Variants in SKAP2 observed in about 807,000 individuals in gnomAD.
SKAP2 encodes src kinase-associated phosphoprotein 2.
Under a neutral mutation model 54.9 loss-of-function variants are expected in SKAP2, and 28 were observed. That is an observed-to-expected ratio of 0.51 (90% CI 0.38 to 0.70). The LOEUF is 0.70. Ranked by LOEUF, SKAP2 falls within the 30% of genes least tolerant of loss-of-function variation. The probability of loss-of-function intolerance (pLI) is 0.00; values close to 1 mark genes in which losing one functional copy is unlikely to be tolerated. For synonymous variants in SKAP2, 137 were observed against 134.3 expected (o/e 1.02, Z -0.14); for missense variants, 356 against 424.1 (o/e 0.84, Z 1.41).
intron 4 of SKAP2, among the ~76,000 whole-genome samples, chr7:26,805,230 C>T (rs1403718877): frequency 2.0e-5 from 3 of 152,136 alleles, no homozygotes; most frequent in Non-Finnish European, 4.4e-5. Flanking sequence ...AAACAATCAA[C>T]AGACTATGAT....
At chr7:26,756,907 G>A (rs938386500) in intron 4 of SKAP2, among the ~76,000 whole-genome samples, 2 of 152,266 alleles carry the variant, frequency 1.3e-5, no homozygotes, top group African/African-American at 2.4e-5. Context: ...TTGTGGTTTC[G>A]ATTTGCATTT....
At chr7:26,759,307 C>T (rs1276664732) in intron 4 of SKAP2, among the ~76,000 whole-genome samples, 4 of 152,146 alleles carry the variant, frequency 2.6e-5, no homozygotes, top group African/African-American at 9.7e-5. Flanking sequence ...CTTCACATAG[C>T]GCACTACACA....
intron 11 of SKAP2, among the ~76,000 whole-genome samples, chr7:26,671,017 A>G (rs1216312741): frequency 6.6e-6 from 1 of 151,852 alleles, no homozygotes; most frequent in African/African-American, 2.4e-5. Context: ...GCAACTTGAG[A>G]TAAACAAACC....
chr7:26,709,935 C>T (rs148498848), intron 9 of SKAP2, among the ~76,000 whole-genome samples: 255 of 152,222 alleles, frequency 1.7e-3, no homozygotes, highest in African/African-American at 5.9e-3. Context: ...TTATTTGAGA[C>T]TCTGCCCATT....
intron 4 of SKAP2, among the ~76,000 whole-genome samples, chr7:26,815,077 A>G (rs1424377822): frequency 6.7e-6 from 1 of 149,238 alleles, no homozygotes; most frequent in African/African-American, 2.4e-5. Context: ...CCTATCTACA[A>G]AATAAAACAC....
chr7:26,854,501 G>C (rs1785118660), intron 2 of SKAP2, among the ~76,000 whole-genome samples: 1 of 151,868 alleles, frequency 6.6e-6, no homozygotes, highest in Non-Finnish European at 1.5e-5. Flanking sequence ...ATCCACCTTT[G>C]TCTTATCATT....
chr7:26,798,601 CAGAAAAACA>C (rs1783836054), intron 4 of SKAP2, among the ~76,000 whole-genome samples: 1 of 151,006 alleles, frequency 6.6e-6, no homozygotes, highest in Non-Finnish European at 1.5e-5. Context: ...AGTAAGTACA[CAGAAAAACA>C]CAGAATAGTA....
chr7:26,778,984 A>T (rs983992842), intron 4 of SKAP2, among the ~76,000 whole-genome samples: 18 of 152,024 alleles, frequency 1.2e-4, no homozygotes, highest in African/African-American at 3.9e-4. Context: ...TTAAGTCTAG[A>T]ATTTCAAAGG....
At chr7:26,819,323 A>C (rs148536689) in intron 4 of SKAP2, among the ~76,000 whole-genome samples, 4,030 of 152,292 alleles carry the variant, frequency 0.026, 172 homozygotes, top group African/African-American at 0.092. Context: ...AGGAACAGAA[A>C]ACCAAACACC....
intron 4 of SKAP2, among the ~76,000 whole-genome samples, chr7:26,791,340 A>T (rs1384894004): frequency 6.6e-6 from 1 of 151,586 alleles, no homozygotes; most frequent in Non-Finnish European, 1.5e-5. Context: ...CTGCTGGCTA[A>T]TTTTTTCTAT....
chr7:26,863,567 T>A (rs577781115), intron 1 of SKAP2, among the ~76,000 whole-genome samples: 12 of 152,316 alleles, frequency 7.9e-5, no homozygotes, highest in African/African-American at 2.4e-4. Flanking sequence ...CCGTATCCAG[T>A]AAATTAATGA....
chr7:26,820,809 T>A (rs1784370983), intron 4 of SKAP2, among the ~76,000 whole-genome samples: 1 of 152,192 alleles, frequency 6.6e-6, no homozygotes, highest in Non-Finnish European at 1.5e-5. Context: ...CAAACATGGA[T>A]AAAAATTCCA....
At chr7:26,809,906 G>A (rs1245823914) in intron 4 of SKAP2, among the ~76,000 whole-genome samples, 1 of 152,124 alleles carries the variant, frequency 6.6e-6, no homozygotes, top group Non-Finnish European at 1.5e-5. Context: ...TGTATAAAAT[G>A]GAATACCATT....
intron 4 of SKAP2, among the ~76,000 whole-genome samples, chr7:26,797,761 A>C (rs1783813625): frequency 6.6e-6 from 1 of 152,088 alleles, no homozygotes; most frequent in South Asian, 2.1e-4. Flanking sequence ...TGTTGAAAAC[A>C]CTCAAAGAAA....
Position 26,668,368 on chromosome 7 carries a change from T to C in SKAP2, c.*1298A>G, listed in dbSNP as rs1183347258. 6.6e-6 allele frequency: 1 copy of C among 152,230 alleles called. No individual in the cohort carries two copies. Among genetic ancestry groups the C allele is most frequent in the Non-Finnish European group, 1.5e-5 (1 of 68,034 alleles). The allele number at this position is 152,230 out of a possible 1,614,324, so 9.4% of individuals were successfully genotyped here. On this transcript the variant is annotated 3_prime_UTR_variant, in exon 13 of 13. Transcript: ENST00000345317. ...ATAGGTATTTTAAACACCTCTGATTTCAAATATACATGAAAAGGTAATTAT... is the reference window on the plus strand; with the variant it reads ...ATAGGTATTTTAAACACCTCTGATTCCAAATATACATGAAAAGGTAATTAT...
intron 1 of SKAP2, 43 bp downstream of exon 1, chr7:26,864,320 G>A (rs1562640515): frequency 3.1e-6 from 5 of 1,611,152 alleles, no homozygotes; most frequent in Non-Finnish European, 4.2e-6. Context: ...CCGTTCCCTC[G>A]CCCCCGCCCC....
At chr7:26,787,427 A>G (rs559543357) in intron 4 of SKAP2, among the ~76,000 whole-genome samples, 8 of 152,066 alleles carry the variant, frequency 5.3e-5, no homozygotes, top group African/African-American at 1.9e-4. Flanking sequence ...GGCTCAAGCA[A>G]TTCTCCTACC....
chr7:26,754,719 G>A (rs1782752425), intron 4 of SKAP2, among the ~76,000 whole-genome samples: 1 of 152,234 alleles, frequency 6.6e-6, no homozygotes, highest in South Asian at 2.1e-4. Flanking sequence ...GTAACTTCAT[G>A]TAAACAACCA....
intron 6 of SKAP2, among the ~76,000 whole-genome samples, chr7:26,737,558 TATAA>T (rs2127960510): frequency 6.6e-6 from 1 of 152,356 alleles, no homozygotes; most frequent in Non-Finnish European, 1.5e-5. Context: ...CTCTAAAAAC[TATAA>T]ATAATGTCAA....
Sources: allele counts gnomAD v4.1 joint callset (sites outside exome capture counted in the v4.1 genomes callset), GRCh38; gene constraint gnomAD v4.1.1; transcripts MANE v1.5; gene names NCBI Gene and HGNC (gene_info 2026-07-23, HGNC 2026-07-21).